Variants in PPFIA2 observed in about 807,000 individuals in gnomAD.
PPFIA2 encodes the protein liprin-alpha-2.
In PPFIA2, 46 loss-of-function variants were observed where a neutral mutation model predicts 175.5. That is an observed-to-expected ratio of 0.26 (90% CI 0.21 to 0.34). PPFIA2 has a LOEUF of 0.34. Ranked by LOEUF, PPFIA2 falls within the 10% of genes least tolerant of loss-of-function variation. The pLI is 1.00. For synonymous variants in PPFIA2, 568 were observed against 511.4 expected (o/e 1.11, Z -1.49); for missense variants, 1,179 against 1,506.1 (o/e 0.78, Z 3.60).
At chr12:81,690,902 A>T (rs957330683) in intron 3 of PPFIA2, among the ~76,000 whole-genome samples, 10 of 152,040 alleles carry the variant, frequency 6.6e-5, no homozygotes, top group Admixed American at 2.0e-4. Context: ...TTCAATCTCT[A>T]GTTCTATGTT....
At chr12:81,753,853 T>C in intron 3 of PPFIA2, 120 bp downstream of exon 3, 4 of 1,265,956 alleles carry the variant, frequency 3.2e-6, no homozygotes, top group Non-Finnish European at 4.3e-6. Flanking sequence ...TAAGTTGTTC[T>C]CACCAAAACG....
At chr12:81,607,395 G>C (rs73145495) in intron 4 of PPFIA2, among the ~76,000 whole-genome samples, 3,580 of 152,080 alleles carry the variant, frequency 0.024, 48 homozygotes, top group Non-Finnish European at 0.035. Context: ...TCAGGTGTAT[G>C]GACATTTTAA....
chr12:81,662,416 T>C (rs1040119159), intron 4 of PPFIA2, among the ~76,000 whole-genome samples: 8 of 152,108 alleles, frequency 5.3e-5, no homozygotes, highest in African/African-American at 1.7e-4. Context: ...GAGAATACTA[T>C]AAACACCTCT....
chr12:81,380,034 A>C (rs150772113), intron 9 of PPFIA2, among the ~76,000 whole-genome samples: 1 of 152,312 alleles, frequency 6.6e-6, no homozygotes, highest in African/African-American at 2.4e-5. Flanking sequence ...CTATGCTAGC[A>C]ATGCTATAGG....
At chr12:81,520,017 T>C (rs1381275608) in intron 4 of PPFIA2, among the ~76,000 whole-genome samples, 1 of 152,230 alleles carries the variant, frequency 6.6e-6, no homozygotes, top group Non-Finnish European at 1.5e-5. Flanking sequence ...TCTCAAAAAT[T>C]ATCTTACTGC....
intron 4 of PPFIA2, among the ~76,000 whole-genome samples, chr12:81,541,671 T>TA (rs138086779): frequency 0.11 from 16,348 of 151,892 alleles, 1,000 homozygotes; most frequent in Middle Eastern, 0.15. Flanking sequence ...TTTAAAGCAA[T>TA]AAAAAAAACC....
intron 4 of PPFIA2, among the ~76,000 whole-genome samples, chr12:81,627,979 A>G (rs985994569): frequency 3.3e-5 from 5 of 152,160 alleles, no homozygotes; most frequent in Non-Finnish European, 5.9e-5. Flanking sequence ...ATTGGCTACA[A>G]TAAAATTATT....
At chr12:81,640,935 T>C (rs1468907541) in intron 4 of PPFIA2, among the ~76,000 whole-genome samples, 1 of 152,048 alleles carries the variant, frequency 6.6e-6, no homozygotes, top group African/African-American at 2.4e-5. Context: ...ATAAGCCTAG[T>C]TTTTAGGGAA....
intron 9 of PPFIA2, among the ~76,000 whole-genome samples, chr12:81,378,401 C>T (rs1003341802): frequency 2.6e-5 from 4 of 151,282 alleles, no homozygotes; most frequent in African/African-American, 9.7e-5. Flanking sequence ...AAAGTGCAAA[C>T]ATAAAAAATT....
intron 3 of PPFIA2, among the ~76,000 whole-genome samples, chr12:81,735,313 A>C (rs1734806505): frequency 6.6e-6 from 1 of 151,746 alleles, no homozygotes; most frequent in African/African-American, 2.4e-5. Flanking sequence ...AGATGGTGTG[A>C]AATGTGGTTT....
chr12:81,332,855 A>G (rs2056402940), intron 21 of PPFIA2, among the ~76,000 whole-genome samples: 1 of 152,210 alleles, frequency 6.6e-6, no homozygotes, highest in African/African-American at 2.4e-5. Flanking sequence ...CGATATGTAT[A>G]GAATGTGGAC....
Position 81,261,953 on chromosome 12 carries a change from G to A in PPFIA2, c.*29C>T, listed in dbSNP as rs572879102. The A allele has an allele frequency of 9.4e-5, 149 of 1,583,416 alleles. No homozygotes were observed. Among genetic ancestry groups the A allele is most frequent in the Admixed American group, 2.3e-4 (13 of 56,664 alleles). On this transcript the variant is annotated 3_prime_UTR_variant, in exon 32 of 33. Coordinates refer to ENST00000549396, the MANE Select transcript of PPFIA2 (RefSeq NM_003625.5). The stretch of plus-strand genomic sequence containing the variant: ...AGCCAAAGGGAAACTACTCACAGCA[G>A]GTCAGTGCTGCCTCCTTTGAGTGGC...
intron 4 of PPFIA2, among the ~76,000 whole-genome samples, chr12:81,626,036 T>A (rs961065269): frequency 1.3e-5 from 2 of 151,596 alleles, no homozygotes; most frequent in Non-Finnish European, 3.0e-5. Flanking sequence ...TTGACAGAAA[T>A]GTCCAGTTTC....
intron 4 of PPFIA2, among the ~76,000 whole-genome samples, chr12:81,623,425 A>C (rs2062302934): frequency 6.6e-6 from 1 of 152,004 alleles, no homozygotes; most frequent in African/African-American, 2.4e-5. Flanking sequence ...AATTTTCATG[A>C]CCTAAAATGA....
intron 27 of PPFIA2, among the ~76,000 whole-genome samples, chr12:81,278,584 T>C (rs1468547863): frequency 6.7e-6 from 1 of 149,056 alleles, no homozygotes; most frequent in Non-Finnish European, 1.5e-5. Context: ...AGTAATCTCA[T>C]AGCAAAATAG....
chr12:81,265,291 CAAAAAAAAAAA>C (rs571821814), intron 30 of PPFIA2, among the ~76,000 whole-genome samples: 3 of 70,002 alleles, frequency 4.3e-5, no homozygotes, highest in Non-Finnish European at 4.9e-5. Flanking sequence ...GAAACTCTGT[CAAAAAAAAAAA>C]AAAAAAAAAA....
intron 4 of PPFIA2, among the ~76,000 whole-genome samples, chr12:81,504,533 T>C (rs1442795723): frequency 6.6e-6 from 1 of 152,192 alleles, no homozygotes; most frequent in Non-Finnish European, 1.5e-5. Context: ...GGAATGCTTT[T>C]ACACTGTTGG....
At chr12:81,264,684 T>C (rs2036663313) in intron 30 of PPFIA2, among the ~76,000 whole-genome samples, 1 of 152,216 alleles carries the variant, frequency 6.6e-6, no homozygotes, top group South Asian at 2.1e-4. Flanking sequence ...AAATCATTTT[T>C]ATATAATAAC....
intron 4 of PPFIA2, chr12:81,546,557 A>G (rs1594782135): frequency 1.3e-5 from 2 of 152,136 alleles, no homozygotes; most frequent in South Asian, 4.1e-4. Flanking sequence ...AACATTTCGG[A>G]AAGTCCCACT....
Sources: allele counts gnomAD v4.1 joint callset (sites outside exome capture counted in the v4.1 genomes callset), GRCh38; gene constraint gnomAD v4.1.1; transcripts MANE v1.5; gene names NCBI Gene and HGNC (gene_info 2026-07-23, HGNC 2026-07-21).